The following STX12 variants were observed in gnomAD, a reference collection of about 807,000 sequenced individuals.
STX12 encodes the protein syntaxin-12.
A neutral mutation model predicts 42.2 loss-of-function variants in STX12; 17 were observed. The ratio of observed to expected loss-of-function variants is 0.40; its 90% CI spans 0.28 to 0.60. The LOEUF (loss-of-function observed/expected upper bound fraction) is 0.60, where lower values mean the gene tolerates loss of function less well. STX12 is among the 20% of genes least tolerant of loss of function. The probability of loss-of-function intolerance (pLI) is 0.39; values close to 1 mark genes in which losing one functional copy is unlikely to be tolerated. For missense variants in STX12, 297 were observed against 330.9 expected, an observed-to-expected ratio of 0.90 and a Z score of 0.79; for synonymous variants, 108 against 116.7, an observed-to-expected ratio of 0.93 and a Z score of 0.48.
rs1271696295 is a variant in STX12 at position 27,823,333 on chromosome 1, AAAG to A, written c.*1009_*1011del. The A allele has an allele frequency of 2.6e-5, 4 of 152,668 alleles. No individual in the cohort carries two copies. The highest frequency in any genetic ancestry group is 4.4e-5 in the Non-Finnish European group (3 of 68,042). The allele number at this position is 152,668 out of a possible 1,614,324, so 9.5% of individuals were successfully genotyped here. On this transcript the variant is annotated 3_prime_UTR_variant, in exon 9 of 9. Transcript: ENST00000373943. ...TATTCCTGTAAACCAACAATAAAGC[AAAG>A]AAGAGGTTCATTTTTGTAAATAACA...
intron 1 of STX12, among the ~76,000 whole-genome samples, chr1:27,781,894 T>C (rs1191533454): frequency 1.3e-5 from 2 of 152,200 alleles, no homozygotes; most frequent in African/African-American, 2.4e-5. Context: ...TAATAATAGC[T>C]ATCTTTAATT....
intron 5 of STX12, 100 bp from the exon 6 acceptor site, chr1:27,812,063 A>C: frequency 1.1e-6 from 1 of 943,534 alleles, no homozygotes; most frequent in Non-Finnish European, 1.7e-6. Context: ...GAGCCCTGGT[A>C]ATGTCTTTGC....
intron 1 of STX12, among the ~76,000 whole-genome samples, chr1:27,779,530 C>G (rs766249377): frequency 8.6e-5 from 13 of 151,822 alleles, no homozygotes; most frequent in Non-Finnish European, 1.9e-4. Context: ...CAGGGTTTCA[C>G]CATGTTAGCC....
intron 3 of STX12, among the ~76,000 whole-genome samples, chr1:27,794,932 A>G (rs902434567): frequency 6.6e-6 from 1 of 152,148 alleles, no homozygotes; most frequent in African/African-American, 2.4e-5. Flanking sequence ...TATGTTTTCC[A>G]GGCTAGTCTC....
At chr1:27,791,820 A>G (rs1048072631) in intron 2 of STX12, among the ~76,000 whole-genome samples, 1 of 151,376 alleles carries the variant, frequency 6.6e-6, no homozygotes, top group African/African-American at 2.4e-5. Context: ...GTCTCAAAAA[A>G]ATAAAATACA....
chr1:27,783,897 G>A (rs1218481947), intron 1 of STX12, among the ~76,000 whole-genome samples: 1 of 152,032 alleles, frequency 6.6e-6, no homozygotes, highest in Admixed American at 6.6e-5. Flanking sequence ...AGCATCACTT[G>A]GCCAAGCGTG....
At chr1:27,814,874 A>T (rs2088930313) in intron 6 of STX12, among the ~76,000 whole-genome samples, 1 of 152,052 alleles carries the variant, frequency 6.6e-6, no homozygotes. Flanking sequence ...CCCTCGATAT[A>T]TTTAGGTTTC....
At chr1:27,818,787 G>A (rs1557808803) in intron 7 of STX12, among the ~76,000 whole-genome samples, 4 of 151,998 alleles carry the variant, frequency 2.6e-5, no homozygotes, top group South Asian at 2.1e-4. Context: ...GTGCCACCAC[G>A]CCCGCTAATT....
intron 3 of STX12, among the ~76,000 whole-genome samples, chr1:27,800,488 GGTGTGTGTGTGTGTGTGTGTGTGT>G (rs57488710): frequency 1.3e-4 from 19 of 140,886 alleles, no homozygotes; most frequent in African/African-American, 4.5e-4. Context: ...GTCAGTATGT[GGTGTGTGTGTGTGTGTGTGTGTGT>G]GTGTGTGTGT....
chr1:27,810,483 A>T (rs537809321), intron 5 of STX12, among the ~76,000 whole-genome samples, 194 bp downstream of exon 5: 3 of 152,340 alleles, frequency 2.0e-5, no homozygotes, highest in South Asian at 2.1e-4. Context: ...TATTGGAAGG[A>T]GTAATTTCAA....
intron 1 of STX12, among the ~76,000 whole-genome samples, chr1:27,784,058 T>C (rs1257749246): frequency 6.6e-6 from 1 of 152,004 alleles, no homozygotes; most frequent in Non-Finnish European, 1.5e-5. Context: ...CACATGCCTA[T>C]AATCTCAGCT....
At chr1:27,777,886 C>CA (rs559569659) in intron 1 of STX12, among the ~76,000 whole-genome samples, 1,599 of 142,348 alleles carry the variant, frequency 0.011, 12 homozygotes, top group Admixed American at 0.015. Flanking sequence ...GACTCAGTCT[C>CA]AAAAAAAAAA....
chr1:27,799,263 G>A (rs1423628182), intron 3 of STX12, among the ~76,000 whole-genome samples: 1 of 152,040 alleles, frequency 6.6e-6, no homozygotes, highest in Non-Finnish European at 1.5e-5. Flanking sequence ...TTTTATTACT[G>A]ATACTGTGTC....
At chr1:27,796,500 T>C (rs897627938) in intron 3 of STX12, among the ~76,000 whole-genome samples, 3 of 152,228 alleles carry the variant, frequency 2.0e-5, no homozygotes, top group Middle Eastern at 3.4e-3. Flanking sequence ...CAAGTGATCC[T>C]CCCACCTTAG....
At chr1:27,793,464 A>G in intron 2 of STX12, 69 bp from the exon 3 acceptor site, 1 of 1,331,644 alleles carries the variant, frequency 7.5e-7, no homozygotes, top group Non-Finnish European at 1.1e-6. Context: ...CACTCTGAGA[A>G]CAAAGTGGTT....
At chr1:27,817,052 G>A (rs1402325403) in intron 6 of STX12, among the ~76,000 whole-genome samples, 2 of 147,390 alleles carry the variant, frequency 1.4e-5, no homozygotes, top group African/African-American at 5.0e-5. Context: ...GAGAGGGAGG[G>A]AGGAAGGAAG....
intron 7 of STX12, 80 bp downstream of exon 7, chr1:27,818,003 G>C (rs2088954749): frequency 1.6e-6 from 2 of 1,235,048 alleles, no homozygotes; most frequent in South Asian, 2.5e-5. Context: ...TACTCAGAAG[G>C]CTGAGGCTGA....
At chr1:27,777,747 C>T (rs893860012) in intron 1 of STX12, among the ~76,000 whole-genome samples, 3 of 151,990 alleles carry the variant, frequency 2.0e-5, no homozygotes, top group Non-Finnish European at 2.9e-5. Flanking sequence ...ATTAGCCAGG[C>T]GTGATGGTGC....
chr1:27,821,550 C>T (rs941454654), intron 8 of STX12, among the ~76,000 whole-genome samples: 7 of 146,606 alleles, frequency 4.8e-5, no homozygotes, highest in Non-Finnish European at 7.4e-5. Context: ...TTTTCTCCCT[C>T]CGCTTGCTGT....
Sources: gnomAD v4.1 joint callset for allele counts (sites outside exome capture counted in the v4.1 genomes callset) on GRCh38, gnomAD v4.1.1 for gene constraint, MANE v1.5 for transcripts, NCBI Gene and HGNC (gene_info 2026-07-23, HGNC 2026-07-21) for gene names.